The following PDE11A variants were observed in gnomAD, a reference collection of about 807,000 sequenced individuals.
PDE11A encodes phosphodiesterase 11A.
Under a neutral mutation model 100.5 loss-of-function variants are expected in PDE11A, and 100 were observed. That is an observed-to-expected ratio of 1.00 (90% CI 0.85 to 1.18). PDE11A has a LOEUF of 1.18. Among genes scored for constraint, PDE11A ranks in the 50% most tolerant of loss-of-function variants. PDE11A has a pLI of 0.00. For synonymous variants in PDE11A, 381 were observed against 420.8 expected (o/e 0.91, Z 1.16); for missense variants, 1,141 against 1,152.6 (o/e 0.99, Z 0.15).
At chr2:178,004,073 C>T (rs767493245) in intron 2 of PDE11A, among the ~76,000 whole-genome samples, 1 of 151,976 alleles carries the variant, frequency 6.6e-6, no homozygotes, top group Non-Finnish European at 1.5e-5. Flanking sequence ...ACTGTGTGTA[C>T]TACTTTATGC....
intron 1 of PDE11A, among the ~76,000 whole-genome samples, chr2:178,041,080 C>CA (rs1182029918): frequency 6.6e-6 from 1 of 152,054 alleles, no homozygotes; most frequent in African/African-American, 2.4e-5. Flanking sequence ...GCTAGAACTA[C>CA]AGGCACAGCC....
intron 9 of PDE11A, among the ~76,000 whole-genome samples, chr2:177,787,605 A>C (rs1398972926): frequency 1.3e-5 from 2 of 151,146 alleles, no homozygotes; most frequent in Non-Finnish European, 3.0e-5. Context: ...AATTGGATAA[A>C]GAGTCAAGAC....
chr2:177,763,958 A>G (rs1558926602), intron 10 of PDE11A, among the ~76,000 whole-genome samples: 1 of 152,236 alleles, frequency 6.6e-6, no homozygotes, highest in Non-Finnish European at 1.5e-5. Context: ...GCCCTAGTGC[A>G]GGGCATAAGG....
intron 9 of PDE11A, among the ~76,000 whole-genome samples, chr2:177,807,514 G>T (rs2082890246): frequency 6.6e-6 from 1 of 151,972 alleles, no homozygotes; most frequent in Non-Finnish European, 1.5e-5. Context: ...TTGACCTCCT[G>T]GGCTCAGGCA....
chr2:177,845,506 A>G (rs2083576275), intron 5 of PDE11A, among the ~76,000 whole-genome samples: 1 of 149,244 alleles, frequency 6.7e-6, no homozygotes, highest in Non-Finnish European at 1.5e-5. Flanking sequence ...CACTTCCTAG[A>G]TGGGATGGCG....
rs573163079 is a variant in PDE11A, at chr2:177,816,905, CA to C, written c.1660del (p.Cys554ValfsTer14). 2,380 of 1,604,930 alleles carry C rather than the reference CA, an allele frequency of 1.5e-3. 11 individuals carry two copies. The highest frequency in any genetic ancestry group is 2.5e-3 in the South Asian group (224 of 90,904). The part of the protein sequence containing the change: ...QRLFEAFVIF[C>X]GLGINNTIMY... Reference sequence around the variant, plus strand: ...AATTGTGTTGTTGATGCCAAGTCCACAAAAGATGACAAAAGCCTAGGAAAGA... The same window carrying C: ...AATTGTGTTGTTGATGCCAAGTCCACAAAGATGACAAAAGCCTAGGAAAGA... On this transcript the variant is annotated frameshift_variant, in exon 9 of 20. Transcript: ENST00000286063. LOFTEE classifies it high-confidence loss of function.
At chr2:177,645,020 C>G (rs545362430) in intron 19 of PDE11A, among the ~76,000 whole-genome samples, 2 of 152,262 alleles carry the variant, frequency 1.3e-5, no homozygotes, top group African/African-American at 4.8e-5. Flanking sequence ...TTTTGTAAAT[C>G]AACCAGTCTT....
At chr2:177,899,234 C>T (rs570936702) in intron 3 of PDE11A, among the ~76,000 whole-genome samples, 1 of 152,038 alleles carries the variant, frequency 6.6e-6, no homozygotes, top group East Asian at 1.9e-4. Context: ...GGTGAAACCC[C>T]GACTCTACTA....
intron 5 of PDE11A, among the ~76,000 whole-genome samples, chr2:177,869,463 A>T (rs1044466658): frequency 2.0e-5 from 3 of 152,204 alleles, no homozygotes; most frequent in African/African-American, 7.2e-5. Context: ...CTGCTCGTGC[A>T]TAACATGTCT....
chr2:178,072,266 TA>T lies in PDE11A; in HGVS notation c.171del (p.Thr58ProfsTer41), dbSNP rs529789124. The stretch of plus-strand genomic sequence containing the variant: ...CAGGTGCTGTGAGCCAAGCTGCTGG[TA>T]CCAGCCAAAGAGGGCCTTGGACCTA... Reference protein sequence around the residue: ...GALGPRPSLAGTSSLAHSTCR... With the variant: ...GALGPRPSLAXTSSLAHSTCR... On this transcript the variant is annotated frameshift_variant, in exon 1 of 20. Coordinates refer to ENST00000286063, the MANE Select transcript of PDE11A (RefSeq NM_016953.4). LOFTEE classifies it high-confidence loss of function. 3.0e-3 allele frequency: 4,854 copies of T among 1,613,682 alleles called. 122 individuals are homozygous for T. In the South Asian group the frequency reaches 0.039, roughly 13 times the overall value.
intron 1 of PDE11A, among the ~76,000 whole-genome samples, chr2:178,053,323 C>T (rs1174829483): frequency 1.3e-5 from 2 of 152,172 alleles, no homozygotes; most frequent in African/African-American, 2.4e-5. Context: ...GCCCTTCGTG[C>T]TAAAACCTCT....
chr2:177,921,731 C>T (rs1309713307), intron 2 of PDE11A: 1 of 152,124 alleles, frequency 6.6e-6, no homozygotes, highest in Non-Finnish European at 1.5e-5. Flanking sequence ...AACCACTGAC[C>T]TTGTATATCT....
At position 177,826,479 on chromosome 2, in the gene PDE11A, A is replaced by G. The variant is rs732363; in HGVS notation, c.1501-6184T>C. ...GTAACCAGACAAGCTGAGGGAGCCAATGTTCCCAGTCAGTCCCTTGATTTC... is the reference window on the plus strand; with the variant it reads ...GTAACCAGACAAGCTGAGGGAGCCAGTGTTCCCAGTCAGTCCCTTGATTTC... On this transcript the variant is annotated intron_variant, in intron 6 of 19. Transcript: ENST00000286063. Among the ~76,000 whole-genome samples the G allele has an allele frequency of 9.2e-5, 14 of 152,228 alleles. No homozygotes were observed. The East Asian group carries it at 2.1e-3, about 23-fold the overall frequency.
In PDE11A at chr2:177,711,851, C is replaced by T. The variant is rs117534006; in HGVS notation, c.2071G>A (p.Glu691Lys). 142 of 1,611,622 alleles carry T rather than the reference C, an allele frequency of 8.8e-5. 1 individual carries two copies. The East Asian group carries it at 1.5e-3, about 17-fold the overall frequency. The change falls in exon 13 of 20, where the codon GAG becomes AAG. Residue 691 changes from glutamate (E) to lysine (K), a missense_variant. By Grantham distance (56) the Glu-to-Lys change is moderately conservative (BLOSUM62 1). Coordinates refer to ENST00000286063, the MANE Select transcript of PDE11A (RefSeq NM_016953.4). ...ACAATCACCGCTAAAATTTCCACCT[C>T]GGTCAGAATGTCTTGAAACCCAGCA... ...TTAGFQDILT[E>K]VEILAVIVGC...
chr2:177,915,982 GTCTATGACATCCCAA>G (rs2084946452), intron 2 of PDE11A, among the ~76,000 whole-genome samples: 1 of 152,160 alleles, frequency 6.6e-6, no homozygotes, highest in South Asian at 2.1e-4. Flanking sequence ...CTTGTGGCCT[GTCTATGACATCCCAA>G]TTACCCGAAC....
intron 4 of PDE11A, 102 bp downstream of exon 4, chr2:177,897,956 G>T: frequency 1.0e-6 from 1 of 1,004,176 alleles, no homozygotes; most frequent in Non-Finnish European, 1.6e-6. Flanking sequence ...GAAGAGTCAC[G>T]AAGAGTGAAT....
At chr2:177,897,710 C>T (rs1468809452) in intron 4 of PDE11A, among the ~76,000 whole-genome samples, 2 of 152,166 alleles carry the variant, frequency 1.3e-5, no homozygotes, top group African/African-American at 4.8e-5. Flanking sequence ...CCTTACCCTT[C>T]ATAGGTAAAT....
chr2:177,762,713 G>A (rs60748325), intron 10 of PDE11A, among the ~76,000 whole-genome samples: 8,127 of 152,258 alleles, frequency 0.053, 227 homozygotes, highest in Middle Eastern at 0.14. Flanking sequence ...CTCCAGGCCC[G>A]CTCTTCCTCC....
At chr2:177,832,584 T>C (rs974662353) in intron 6 of PDE11A, among the ~76,000 whole-genome samples, 1 of 151,858 alleles carries the variant, frequency 6.6e-6, no homozygotes, top group South Asian at 2.1e-4. Context: ...TATCTATCTA[T>C]CTATCTATCT....
Sources: gnomAD v4.1 joint callset for allele counts (sites outside exome capture counted in the v4.1 genomes callset) on GRCh38, gnomAD v4.1.1 for gene constraint, MANE v1.5 for transcripts, NCBI Gene and HGNC (gene_info 2026-07-23, HGNC 2026-07-21) for gene names.